Variants in MAGI1 observed in about 807,000 individuals in gnomAD.
MAGI1 encodes the protein membrane associated guanylate kinase, WW and PDZ domain containing 1.
MAGI1 carries 58 observed loss-of-function variants against 139.9 expected under a neutral mutation model. That is an observed-to-expected ratio of 0.41 (90% CI 0.34 to 0.52). MAGI1 has a LOEUF of 0.52. Ranked by LOEUF, MAGI1 falls within the 20% of genes least tolerant of loss-of-function variation. The pLI, the probability that MAGI1 is intolerant of heterozygous loss-of-function variation, is 0.12. For missense variants in MAGI1, 1,874 were observed against 1,901.6 expected, an observed-to-expected ratio of 0.99 and a Z score of 0.27; for synonymous variants, 812 against 737.9, an observed-to-expected ratio of 1.10 and a Z score of -1.63.
chr3:65,363,680 G>T (rs1052750910), intron 20 of MAGI1, 72 bp from the exon 21 acceptor site: 296 of 1,314,586 alleles, frequency 2.3e-4, no homozygotes, highest in Non-Finnish European at 3.0e-4. Context: ...AACATTCTTG[G>T]CAAAAAGGCA....
At chr3:65,531,416 C>A (rs1197478219) in intron 2 of MAGI1, among the ~76,000 whole-genome samples, 4 of 152,078 alleles carry the variant, frequency 2.6e-5, no homozygotes. Flanking sequence ...AGGAACTCTA[C>A]TATGCTTGCA....
chr3:65,451,577 T>C (rs1390557749), intron 6 of MAGI1, among the ~76,000 whole-genome samples: 1 of 152,180 alleles, frequency 6.6e-6, no homozygotes, highest in African/African-American at 2.4e-5. Context: ...TCCAAAATGC[T>C]CCAGTGAACA....
Position 65,686,368 on chromosome 3 carries a change from T to C in MAGI1, c.314-64280A>G, listed in dbSNP as rs569093102. Among the ~76,000 whole-genome samples the C allele has an allele frequency of 6.6e-5, 10 of 152,314 alleles. No individual in the cohort carries two copies. The East Asian group carries it at 9.7e-4, about 15-fold the overall frequency. On this transcript the variant is annotated intron_variant, in intron 1 of 22. Transcript: ENST00000402939. ...GTGCAGTGGCACGATCTCGGCTCACTGCAACTTCCGCCTCCTGGATTCAAG... is the reference window on the plus strand; with the variant it reads ...GTGCAGTGGCACGATCTCGGCTCACCGCAACTTCCGCCTCCTGGATTCAAG...
At chr3:65,652,218 T>C (rs970028388) in intron 1 of MAGI1, among the ~76,000 whole-genome samples, 5 of 152,126 alleles carry the variant, frequency 3.3e-5, no homozygotes, top group Non-Finnish European at 5.9e-5. Flanking sequence ...ACTGTAAAAA[T>C]TTTTGTTTTC....
At chr3:65,839,889 T>C (rs1331747723) in intron 1 of MAGI1, among the ~76,000 whole-genome samples, 2 of 152,254 alleles carry the variant, frequency 1.3e-5, no homozygotes, top group African/African-American at 4.8e-5. Context: ...GAGTCTTCAA[T>C]ATATGCAATG....
chr3:65,853,393 G>A (rs2059272588), intron 1 of MAGI1, among the ~76,000 whole-genome samples: 1 of 152,108 alleles, frequency 6.6e-6, no homozygotes, highest in African/African-American at 2.4e-5. Flanking sequence ...TTCCTAGTAG[G>A]GCAAAGATAA....
intron 1 of MAGI1, among the ~76,000 whole-genome samples, chr3:65,830,341 C>CAG (rs1302713627): frequency 6.6e-6 from 1 of 151,086 alleles, no homozygotes; most frequent in African/African-American, 2.4e-5. Context: ...AAAAAAAACA[C>CAG]AGAGAGAGAG....
rs2058781523 is a variant in MAGI1, at chr3:65,840,900, A to C, written c.313+197096T>G. On this transcript the variant is annotated intron_variant, in intron 1 of 22. Transcript: ENST00000402939. ...TTTTAGACATTTGCTACAATTCTTCATTGAAATCATTTGGGCCTAGAGATG... is the reference window on the plus strand; with the variant it reads ...TTTTAGACATTTGCTACAATTCTTCCTTGAAATCATTTGGGCCTAGAGATG... Among the ~76,000 whole-genome samples, 3 of 152,310 alleles carry C rather than the reference A, an allele frequency of 2.0e-5. No homozygotes were observed. The South Asian group carries it at 6.2e-4, about 32-fold the overall frequency.
At chr3:65,881,001 G>C (rs534609340) in intron 1 of MAGI1, among the ~76,000 whole-genome samples, 2 of 151,684 alleles carry the variant, frequency 1.3e-5, no homozygotes, top group Admixed American at 1.3e-4. Context: ...TCTGCCTCCC[G>C]GGCTCAAGCG....
intron 12 of MAGI1, among the ~76,000 whole-genome samples, chr3:65,427,210 G>T (rs1268733231): frequency 6.6e-6 from 1 of 152,136 alleles, no homozygotes; most frequent in African/African-American, 2.4e-5. Flanking sequence ...TACTTGGGGG[G>T]CTAAGGCAGG....
intron 1 of MAGI1, among the ~76,000 whole-genome samples, chr3:66,022,241 GT>G (rs2068006306): frequency 6.6e-6 from 1 of 152,130 alleles, no homozygotes; most frequent in Non-Finnish European, 1.5e-5. Context: ...TAGCTAAAAT[GT>G]CGCAGAAACA....
chr3:65,884,494 A>G (rs1288756038), intron 1 of MAGI1, among the ~76,000 whole-genome samples: 1 of 152,206 alleles, frequency 6.6e-6, no homozygotes, highest in Non-Finnish European at 1.5e-5. Context: ...AAAATTAAGG[A>G]AGAATACATT....
rs907071889 is a variant in MAGI1 at position 65,493,586 on chromosome 3, T to A, written c.476A>T (p.Tyr159Phe). Residue 159 changes from tyrosine (Y) to phenylalanine (F), a missense_variant, in exon 3 of 23, where the codon TAT becomes TTT. Transcript: ENST00000402939. ...GAACTCCTTCACAGTCAGAAAGTTA[T>A]AGTCCACGCCAGGCACTTCTCCTTC... ...PREGEVPGVD[Y>F]NFLTVKEFLD... 6.2e-7 allele frequency: 1 copy of A among 1,614,184 alleles called. No homozygotes were observed. The highest frequency in any genetic ancestry group is 1.3e-5 in the African/African-American group (1 of 75,056).
chr3:65,448,932 C>T (rs1420134172), intron 6 of MAGI1, among the ~76,000 whole-genome samples: 2 of 152,016 alleles, frequency 1.3e-5, no homozygotes, highest in Non-Finnish European at 2.9e-5. Context: ...GGGCAAGTGG[C>T]TCCTATAAGC....
chr3:65,904,825 C>T (rs1470629359), intron 1 of MAGI1, among the ~76,000 whole-genome samples: 1 of 152,182 alleles, frequency 6.6e-6, no homozygotes, highest in Admixed American at 6.5e-5. Flanking sequence ...GGATGCAGCA[C>T]CTGCCACATG....
chr3:65,814,183 C>T (rs554811699), intron 1 of MAGI1, among the ~76,000 whole-genome samples: 85 of 152,234 alleles, frequency 5.6e-4, no homozygotes, highest in African/African-American at 1.8e-3. Context: ...CTCTGCCAGA[C>T]ACAGGGTGTC....
chr3:65,512,974 C>T (rs2077677758), intron 2 of MAGI1, among the ~76,000 whole-genome samples: 1 of 130,706 alleles, frequency 7.7e-6, no homozygotes, highest in Non-Finnish European at 1.6e-5. Context: ...AAGTGGGCTT[C>T]ATCCCTGGGA....
chr3:65,699,704 A>G (rs180967890), intron 1 of MAGI1, among the ~76,000 whole-genome samples: 2,428 of 129,046 alleles, frequency 0.019, 50 homozygotes, highest in Admixed American at 0.065. Context: ...AGGAAGGGGA[A>G]TATCACACTC....
chr3:65,643,517 A>G (rs2085097659), intron 1 of MAGI1, among the ~76,000 whole-genome samples: 1 of 152,180 alleles, frequency 6.6e-6, no homozygotes, highest in Admixed American at 6.5e-5. Context: ...TGAAATGTAA[A>G]GAGAAAAAGG....
Sources: allele counts gnomAD v4.1 joint callset (sites outside exome capture counted in the v4.1 genomes callset), GRCh38; gene constraint gnomAD v4.1.1; transcripts MANE v1.5; gene names NCBI Gene and HGNC (gene_info 2026-07-23, HGNC 2026-07-21).